Variants in HERC3 observed in about 807,000 individuals in gnomAD.
HERC3 encodes HECT and RLD domain containing E3 ubiquitin protein ligase 3.
A neutral mutation model predicts 129.9 loss-of-function variants in HERC3; 58 were observed. The observed-to-expected ratio is 0.45, with a 90% CI of 0.36 to 0.56. HERC3 has a LOEUF of 0.56. HERC3 is among the 20% of genes least tolerant of loss of function. HERC3 has a pLI of 0.00. For missense variants in HERC3, 835 were observed against 1,244.2 expected (o/e 0.67, Z 4.95); for synonymous variants, 430 against 451.0 (o/e 0.95, Z 0.59).
intron 2 of HERC3, among the ~76,000 whole-genome samples, chr4:88,604,502 T>A (rs1723399528): frequency 6.6e-6 from 1 of 152,264 alleles, no homozygotes; most frequent in South Asian, 2.1e-4. Context: ...TCTAGTCTAT[T>A]TTCTATTGCC....
rs527936258 is a variant in HERC3, at chr4:88,615,516, A to G, written c.226+9467A>G. Among the ~76,000 whole-genome samples the G allele has an allele frequency of 1.8e-4, 27 of 152,322 alleles. No individual in the cohort carries two copies. The South Asian group carries it at 4.6e-3, about 26-fold the overall frequency. ...TATTATAATTATTAACTGACTTGCA[A>G]CAACTGAAATCATGATTGTGAATAA... On this transcript the variant is annotated intron_variant, in intron 3 of 25. Transcript: ENST00000402738.
At chr4:88,576,830 A>G in the HERC3 span, among the ~76,000 whole-genome samples, 3 of 152,094 alleles carry the variant, frequency 2.0e-5, no homozygotes, top group African/African-American at 4.8e-5. Flanking sequence ...AAGCCTATCA[A>G]TCCTTTCCAT....
At chr4:88,652,795 C>A (rs371824459) in intron 5 of HERC3, 74 bp from the exon 6 acceptor site, 1 of 1,452,090 alleles carries the variant, frequency 6.9e-7, no homozygotes, top group Non-Finnish European at 9.3e-7. Flanking sequence ...GGCAAATGAC[C>A]CTAATAACTA....
chr4:88,625,800 C>T (rs954132321), intron 3 of HERC3, among the ~76,000 whole-genome samples: 1 of 151,978 alleles, frequency 6.6e-6, no homozygotes, highest in Non-Finnish European at 1.5e-5. Flanking sequence ...CATGGATGTC[C>T]TTTATCAAGT....
the HERC3 span, among the ~76,000 whole-genome samples, chr4:88,553,081 G>A: frequency 2.6e-5 from 4 of 152,230 alleles, no homozygotes; most frequent in Non-Finnish European, 4.4e-5. Flanking sequence ...CTGGTGGATG[G>A]TGTAGCTGAA....
rs147601567 is a variant in HERC3, at chr4:88,670,749, C to G, written c.1911+497C>G. Among the ~76,000 whole-genome samples the G allele has an allele frequency of 4.9e-3, 738 of 152,068 alleles. 2 individuals are homozygous for G. Among genetic ancestry groups the G allele is most frequent in the Non-Finnish European group, 7.8e-3 (533 of 67,970 alleles). On this transcript the variant is annotated intron_variant, in intron 16 of 25. Transcript: ENST00000402738. ...CATAATTAAAAAAACAAGACACATA[C>G]AAATATGAATTTTTAGCTTTCCTCA...
intron 1 of HERC3, among the ~76,000 whole-genome samples, chr4:88,592,976 C>T (rs925584579): frequency 6.6e-6 from 1 of 152,170 alleles, no homozygotes; most frequent in Non-Finnish European, 1.5e-5. Flanking sequence ...TGCTCGCCCC[C>T]TGCCCCTATT....
intron 3 of HERC3, among the ~76,000 whole-genome samples, chr4:88,638,917 A>C (rs1434145409): frequency 6.6e-6 from 1 of 152,218 alleles, no homozygotes; most frequent in East Asian, 1.9e-4. Flanking sequence ...ATCAATGTGC[A>C]AAAATCACAA....
intron 23 of HERC3, chr4:88,693,765 TTTC>T (rs1578334023): frequency 1.3e-6 from 1 of 741,526 alleles, no homozygotes; most frequent in East Asian, 1.3e-4. Context: ...GCATGCCAGT[TTTC>T]TGCGTAATAC....
chr4:88,662,983 T>A (rs1294612152), intron 11 of HERC3, among the ~76,000 whole-genome samples: 1 of 150,402 alleles, frequency 6.6e-6, no homozygotes. Flanking sequence ...ATTGAGATGG[T>A]AATTCAGAGT....
At chr4:88,550,247 C>T in the HERC3 span, among the ~76,000 whole-genome samples, 1 of 152,150 alleles carries the variant, frequency 6.6e-6, no homozygotes, top group Non-Finnish European at 1.5e-5. Flanking sequence ...CCTCTCTCAC[C>T]ACTCCTATTC....
At position 88,649,888 on chromosome 4, in the gene HERC3, G is replaced by A; in HGVS notation, c.275G>A (p.Gly92Asp). 6.2e-7 allele frequency: 1 copy of A among 1,614,008 alleles called. No homozygotes were observed. Among genetic ancestry groups the A allele is most frequent in the Non-Finnish European group, 8.5e-7 (1 of 1,179,990 alleles). The change falls in exon 4 of 26, where the codon GGC (glycine) becomes GAC (aspartate). Residue 92 changes from glycine (G) to aspartate (D), a missense_variant. By Grantham distance (94) the Gly-to-Asp change is moderately conservative (BLOSUM62 -1). Transcript: ENST00000402738. ...CAGCATATCATTCATGTGGCATGTG[G>A]CGAGTCCCACAGTCTGGCCCTCAGT... is the stretch of plus-strand genomic sequence containing the variant. ...ADQHIIHVAC[G>D]ESHSLALSDR...
the HERC3 span, among the ~76,000 whole-genome samples, chr4:88,544,493 T>C: frequency 2.6e-5 from 4 of 152,186 alleles, no homozygotes; most frequent in Non-Finnish European, 4.4e-5. Flanking sequence ...CATTCAACCA[T>C]TGTGGAAGGC....
chr4:88,604,498 C>G (rs1723399092), intron 2 of HERC3, among the ~76,000 whole-genome samples: 1 of 152,198 alleles, frequency 6.6e-6, no homozygotes, highest in South Asian at 2.1e-4. Flanking sequence ...ATTTTCTAGT[C>G]TATTTTCTAT....
intron 23 of HERC3, chr4:88,697,687 G>C: frequency 1.9e-6 from 3 of 1,611,162 alleles, no homozygotes; most frequent in Non-Finnish European, 2.5e-6. Flanking sequence ...TACCTCCTCT[G>C]CCGCTGCCTC....
intron 3 of HERC3, among the ~76,000 whole-genome samples, chr4:88,622,443 C>T (rs952299810): frequency 2.0e-5 from 3 of 151,656 alleles, no homozygotes; most frequent in Admixed American, 1.3e-4. Context: ...CTGCTGTGAA[C>T]GTTTTTACAC....
intron 2 of HERC3, among the ~76,000 whole-genome samples, chr4:88,604,397 A>G (rs1434317613): frequency 6.6e-6 from 1 of 152,240 alleles, no homozygotes; most frequent in Non-Finnish European, 1.5e-5. Flanking sequence ...ACCACAACCT[A>G]AATTTAGAAC....
chr4:88,657,500 G>C (rs1297364438), intron 9 of HERC3: 1 of 152,158 alleles, frequency 6.6e-6, no homozygotes, highest in Non-Finnish European at 1.5e-5. Flanking sequence ...CTCATACGTG[G>C]AATACATTTA....
chr4:88,577,527 C>T, the HERC3 span, among the ~76,000 whole-genome samples: 3 of 144,614 alleles, frequency 2.1e-5, no homozygotes, highest in East Asian at 6.1e-4. Context: ...ATAAGTGCCA[C>T]ATATATATTT....
Sources: gnomAD v4.1 joint callset for allele counts (sites outside exome capture counted in the v4.1 genomes callset) on GRCh38, gnomAD v4.1.1 for gene constraint, MANE v1.5 for transcripts, NCBI Gene and HGNC (gene_info 2026-07-23, HGNC 2026-07-21) for gene names.